The following C12orf42 variants were observed in gnomAD, a reference collection of about 807,000 sequenced individuals.
C12orf42 encodes the protein chromosome 12 open reading frame 42.
C12orf42 carries 25 observed loss-of-function variants against 21.6 expected under a neutral mutation model. That is an observed-to-expected ratio of 1.16 (90% CI 0.84 to 1.62). C12orf42 has a LOEUF of 1.62. C12orf42 is among the 40% of genes most tolerant of loss of function. C12orf42 has a pLI of 0.00. For missense variants in C12orf42, 483 were observed against 459.3 expected, an observed-to-expected ratio of 1.05 and a Z score of -0.47; for synonymous variants, 174 against 175.0, an observed-to-expected ratio of 0.99 and a Z score of 0.05.
intron 10 of C12orf42, among the ~76,000 whole-genome samples, chr12:103,250,891 T>C (rs1214543535): frequency 6.6e-6 from 1 of 151,950 alleles, no homozygotes; most frequent in Admixed American, 6.6e-5. Context: ...TGTGTGTGTG[T>C]GTGCATGTGT....
At chr12:103,258,982 C>T (rs1317278599) in intron 10 of C12orf42, among the ~76,000 whole-genome samples, 1 of 152,028 alleles carries the variant, frequency 6.6e-6, no homozygotes, top group Non-Finnish European at 1.5e-5. Flanking sequence ...AAAAAATGGC[C>T]AAGCAATTTT....
chr12:103,466,758 C>T (rs1013416075), intron 2 of C12orf42, among the ~76,000 whole-genome samples: 1 of 152,212 alleles, frequency 6.6e-6, no homozygotes, highest in African/African-American at 2.4e-5. Context: ...GGAATCTAGG[C>T]TTAGCCATGT....
At chr12:103,437,190 A>G (rs1950794464) in intron 2 of C12orf42, among the ~76,000 whole-genome samples, 1 of 152,046 alleles carries the variant, frequency 6.6e-6, no homozygotes, top group Non-Finnish European at 1.5e-5. Flanking sequence ...AGAAATAAAG[A>G]TGTTCTTTGA....
At chr12:103,102,600 T>C in the C12orf42 span, among the ~76,000 whole-genome samples, 1 of 152,222 alleles carries the variant, frequency 6.6e-6, no homozygotes, top group South Asian at 2.1e-4. Context: ...CTATAGCTTC[T>C]CACTGCTAAA....
intron 4 of C12orf42, among the ~76,000 whole-genome samples, chr12:103,344,895 G>A (rs2042477861): frequency 6.6e-6 from 1 of 152,212 alleles, no homozygotes; most frequent in South Asian, 2.1e-4. Flanking sequence ...AAGTGACATG[G>A]TTCCAGTATA....
chr12:103,429,308 A>G (rs1233568523), intron 2 of C12orf42, among the ~76,000 whole-genome samples: 2 of 152,230 alleles, frequency 1.3e-5, no homozygotes, highest in African/African-American at 4.8e-5. Context: ...AATCACAAGC[A>G]TTCCTATACA....
chr12:103,133,928 C>T, the C12orf42 span, among the ~76,000 whole-genome samples: 1 of 152,234 alleles, frequency 6.6e-6, no homozygotes, highest in Non-Finnish European at 1.5e-5. Context: ...TTTGCTTCCC[C>T]TTCTGCCATG....
At chr12:103,375,121 A>T (rs1379013498) in intron 3 of C12orf42, among the ~76,000 whole-genome samples, 1 of 152,202 alleles carries the variant, frequency 6.6e-6, no homozygotes, top group African/African-American at 2.4e-5. Context: ...ACCTCCATGG[A>T]ATTGCTTTAA....
chr12:103,059,650 A>G, the C12orf42 span, among the ~76,000 whole-genome samples: 2 of 152,218 alleles, frequency 1.3e-5, no homozygotes, highest in Non-Finnish European at 2.9e-5. Flanking sequence ...GCTTCATCCC[A>G]AGGATGCAAG....
chr12:103,358,645 T>C (rs1593596100), intron 4 of C12orf42, among the ~76,000 whole-genome samples: 1 of 152,018 alleles, frequency 6.6e-6, no homozygotes, highest in African/African-American at 2.4e-5. Context: ...AGAATTATTG[T>C]GAATGCCTAC....
chr12:103,324,463 A>G lies in C12orf42; in HGVS notation c.260-18118T>C, dbSNP rs181029301. Among the ~76,000 whole-genome samples, 41 of 152,322 alleles carry G rather than the reference A, an allele frequency of 2.7e-4. 1 individual carries two copies. The highest frequency in any genetic ancestry group is 1.2e-3 in the Admixed American group (19 of 15,306). ...TTCTTGAAAACAAATTGGAAAGTAT[A>G]GTTTTGTGAACTGAGTCCTGAACCC... On this transcript the variant is annotated intron_variant, in intron 4 of 5. Transcript: ENST00000548883.
intron 2 of C12orf42, among the ~76,000 whole-genome samples, chr12:103,421,829 T>C (rs1032051072): frequency 7.9e-5 from 12 of 152,152 alleles, no homozygotes; most frequent in Non-Finnish European, 4.4e-5. Flanking sequence ...TGCTAAATTG[T>C]CAAGATAACA....
At chr12:103,371,060 C>T (rs1467671573) in intron 3 of C12orf42, among the ~76,000 whole-genome samples, 1 of 152,000 alleles carries the variant, frequency 6.6e-6, no homozygotes, top group Non-Finnish European at 1.5e-5. Flanking sequence ...ATGGATAGTA[C>T]TATTTGGATA....
chr12:103,543,855 G>T, the C12orf42 span, among the ~76,000 whole-genome samples: 4 of 148,454 alleles, frequency 2.7e-5, no homozygotes, highest in Non-Finnish European at 6.0e-5. Flanking sequence ...AGAATTTTTT[G>T]TTGTTGTTGT....
chr12:103,293,197 C>T (rs2136378693), intron 4 of C12orf42, among the ~76,000 whole-genome samples: 1 of 152,136 alleles, frequency 6.6e-6, no homozygotes, highest in East Asian at 1.9e-4. Flanking sequence ...CTCTGGTCTC[C>T]TCTTTCTCTC....
At chr12:103,372,631 G>A (rs1226099831) in intron 3 of C12orf42, among the ~76,000 whole-genome samples, 1 of 152,004 alleles carries the variant, frequency 6.6e-6, no homozygotes, top group Non-Finnish European at 1.5e-5. Context: ...CAAACACAAA[G>A]TCCTTTCTAT....
At chr12:103,232,909 A>C (rs987757900), downstream of C12orf42, among the ~76,000 whole-genome samples, 1 of 152,084 alleles carries the variant, frequency 6.6e-6, no homozygotes, top group Non-Finnish European at 1.5e-5. Flanking sequence ...TTTTTTATTG[A>C]TACATAATAG....
chr12:103,457,372 T>G (rs1952372708), intron 2 of C12orf42, among the ~76,000 whole-genome samples: 1 of 152,202 alleles, frequency 6.6e-6, no homozygotes, highest in African/African-American at 2.4e-5. Flanking sequence ...AAATTAACTT[T>G]TCTTTTTCCA....
the C12orf42 span, among the ~76,000 whole-genome samples, chr12:103,525,962 G>T: frequency 1.3e-5 from 2 of 152,166 alleles, no homozygotes; most frequent in African/African-American, 4.8e-5. Context: ...GAAGGCGGAG[G>T]TTGCAGTGAG....
Sources: allele counts gnomAD v4.1 joint callset (sites outside exome capture counted in the v4.1 genomes callset), GRCh38; gene constraint gnomAD v4.1.1; transcripts MANE v1.5; gene names NCBI Gene and HGNC (gene_info 2026-07-23, HGNC 2026-07-21).